The following ZNF365 variants were observed in gnomAD, a reference collection of about 807,000 sequenced individuals.
The protein encoded by ZNF365 is protein ZNF365.
Under a neutral mutation model 35.0 loss-of-function variants are expected in ZNF365, and 22 were observed. The observed-to-expected ratio is 0.63, with a 90% CI of 0.45 to 0.90. The LOEUF is 0.90. Among genes scored for constraint, ZNF365 ranks in the 40% least tolerant of loss-of-function variants. The pLI is 0.00. For missense variants in ZNF365, 448 were observed against 500.3 expected (o/e 0.90, Z 1.00); for synonymous variants, 188 against 196.2 (o/e 0.96, Z 0.35).
chr10:62,447,971 C>T (rs1432046601), intron 3 of ZNF365, among the ~76,000 whole-genome samples: 1 of 152,150 alleles, frequency 6.6e-6, no homozygotes, highest in African/African-American at 2.4e-5. Flanking sequence ...TTTCAAACAT[C>T]ACAAAGTTGA....
chr10:62,394,905 T>C (rs937970745), intron 3 of ZNF365, among the ~76,000 whole-genome samples: 1 of 152,180 alleles, frequency 6.6e-6, no homozygotes, highest in African/African-American at 2.4e-5. Flanking sequence ...GATGAGGATC[T>C]ACACTGCTTT....
chr10:62,450,781 A>G (rs1840670674), intron 3 of ZNF365, among the ~76,000 whole-genome samples: 1 of 152,228 alleles, frequency 6.6e-6, no homozygotes, highest in Non-Finnish European at 1.5e-5. Flanking sequence ...TCTGTGAAGA[A>G]TAATTTAAAA....
At chr10:62,439,811 GTACTGT>G (rs1420751443) in intron 3 of ZNF365, among the ~76,000 whole-genome samples, 1 of 152,120 alleles carries the variant, frequency 6.6e-6, no homozygotes, top group African/African-American at 2.4e-5. Flanking sequence ...ATAATTTGGT[GTACTGT>G]TACTGAGAGC....
chr10:62,466,075 C>T (rs1259501396), intron 4 of ZNF365, among the ~76,000 whole-genome samples: 1 of 152,214 alleles, frequency 6.6e-6, no homozygotes, highest in East Asian at 1.9e-4. Context: ...AACATATCCA[C>T]CACTCTGTGC....
intron 4 of ZNF365, among the ~76,000 whole-genome samples, chr10:62,472,884 A>C (rs1841065980): frequency 6.6e-6 from 1 of 152,214 alleles, no homozygotes; most frequent in Admixed American, 6.5e-5. Context: ...CAAGTATAGA[A>C]TAGCACAAAA....
intron 3 of ZNF365, among the ~76,000 whole-genome samples, chr10:62,420,512 A>G (rs1840149741): frequency 6.6e-6 from 1 of 152,204 alleles, no homozygotes; most frequent in Admixed American, 6.5e-5. Context: ...AATGATTCAC[A>G]TATTTTTTCA....
At chr10:62,465,719 C>T (rs1175339556) in intron 4 of ZNF365, among the ~76,000 whole-genome samples, 1 of 152,200 alleles carries the variant, frequency 6.6e-6, no homozygotes, top group East Asian at 1.9e-4. Flanking sequence ...GGCTCACCCT[C>T]CAGTTATCCA....
At chr10:62,377,007 G>A (rs1839348980) in intron 2 of ZNF365, 71 bp downstream of exon 2, 1 of 1,522,326 alleles carries the variant, frequency 6.6e-7, no homozygotes, top group Admixed American at 2.1e-5. Context: ...ACAAGCAAAT[G>A]CTAAGCAAGG....
At chr10:62,423,573 G>GA (rs1840207006) in intron 3 of ZNF365, among the ~76,000 whole-genome samples, 3 of 152,132 alleles carry the variant, frequency 2.0e-5, no homozygotes, top group Non-Finnish European at 1.5e-5. Context: ...GATGTGACAT[G>GA]TGCTCATCTT....
intron 3 of ZNF365, among the ~76,000 whole-genome samples, chr10:62,408,541 A>G (rs1839937814): frequency 6.6e-6 from 1 of 152,222 alleles, no homozygotes; most frequent in South Asian, 2.1e-4. Flanking sequence ...TGCAGATTCA[A>G]TAAGATATCC....
At chr10:62,453,748 T>C (rs1288359166) in intron 3 of ZNF365, among the ~76,000 whole-genome samples, 1 of 152,210 alleles carries the variant, frequency 6.6e-6, no homozygotes, top group Non-Finnish European at 1.5e-5. Context: ...GATTTTTTTC[T>C]CCAAGGAAAT....
At chr10:62,407,761 T>C (rs1433263181) in intron 3 of ZNF365, among the ~76,000 whole-genome samples, 2 of 152,232 alleles carry the variant, frequency 1.3e-5, no homozygotes, top group Non-Finnish European at 2.9e-5. Flanking sequence ...AGCCTGCATC[T>C]ATGGTAAGAT....
chr10:62,435,978 T>C (rs1250704643), intron 3 of ZNF365, among the ~76,000 whole-genome samples: 1 of 152,208 alleles, frequency 6.6e-6, no homozygotes, highest in Non-Finnish European at 1.5e-5. Context: ...ACTTAATGCT[T>C]GGAATGTAGG....
chr10:62,385,584 T>G (rs1285026662), intron 2 of ZNF365, among the ~76,000 whole-genome samples: 1 of 152,164 alleles, frequency 6.6e-6, no homozygotes, highest in Non-Finnish European at 1.5e-5. Flanking sequence ...GAATGGTAAA[T>G]GTGCACAGAG....
chr10:62,378,242 G>C (rs1179911655), intron 2 of ZNF365, among the ~76,000 whole-genome samples: 1 of 152,170 alleles, frequency 6.6e-6, no homozygotes, highest in African/African-American at 2.4e-5. Context: ...TTGAAAAAAG[G>C]GCAGATGTGG....
chr10:62,411,978 A>G (rs1248951346), intron 3 of ZNF365, among the ~76,000 whole-genome samples: 7 of 152,120 alleles, frequency 4.6e-5, no homozygotes. Context: ...AGCAGAAGAC[A>G]AGAAAAAGAG....
intron 4 of ZNF365, among the ~76,000 whole-genome samples, chr10:62,470,533 T>C (rs1459279202): frequency 2.0e-5 from 3 of 152,218 alleles, no homozygotes; most frequent in Non-Finnish European, 4.4e-5. Flanking sequence ...CCTATGTCCT[T>C]GATGCTTTCT....
chr10:62,386,351 A>T (rs1409693112), intron 2 of ZNF365, among the ~76,000 whole-genome samples: 4 of 152,222 alleles, frequency 2.6e-5, no homozygotes, highest in Non-Finnish European at 5.9e-5. Context: ...AAACTTGACG[A>T]TGAAAAAAAT....
chr10:62,388,826 A>G (rs1357167382), intron 3 of ZNF365, among the ~76,000 whole-genome samples: 1 of 152,204 alleles, frequency 6.6e-6, no homozygotes, highest in East Asian at 1.9e-4. Flanking sequence ...CTGAGTTGGT[A>G]GAAATATATA....
Sources: gnomAD v4.1 joint callset for allele counts (sites outside exome capture counted in the v4.1 genomes callset) on GRCh38, gnomAD v4.1.1 for gene constraint, MANE v1.5 for transcripts, NCBI Gene and HGNC (gene_info 2026-07-23, HGNC 2026-07-21) for gene names.